The following NDUFS7 variants were observed in gnomAD, a reference collection of about 807,000 sequenced individuals.
NDUFS7 encodes NADH:ubiquinone oxidoreductase core subunit S7.
A neutral mutation model predicts 31.1 loss-of-function variants in NDUFS7; 11 were observed. That is an observed-to-expected ratio of 0.35 (90% confidence interval 0.22 to 0.59). The LOEUF (loss-of-function observed/expected upper bound fraction) is 0.59. Among genes scored for constraint, NDUFS7 ranks in the 20% least tolerant of loss-of-function variants. The pLI is 0.79. For synonymous variants in NDUFS7, 136 were observed against 127.9 expected (o/e 1.06, Z -0.43); for missense variants, 263 against 324.2 (o/e 0.81, Z 1.45).
intron 4 of NDUFS7, chr19:1,389,238 CAT>C (rs1389349957): frequency 3.0e-6 from 2 of 661,172 alleles, no homozygotes; most frequent in Admixed American, 2.1e-5. Context: ...CACTTGCACT[CAT>C]GCACACTCAT....
chr19:1,387,915 G>A (rs1189909888), intron 2 of NDUFS7, 68 bp downstream of exon 2: 11 of 405,602 alleles, frequency 2.7e-5, no homozygotes, highest in Non-Finnish European at 9.8e-6. Context: ...ACGGGGCGGG[G>A]GGGGTGGGGG....
chr19:1,394,785 T>G, intron 7 of NDUFS7: 1 of 1,182,376 alleles, frequency 8.5e-7, no homozygotes, highest in Admixed American at 3.7e-5. Context: ...GGCCCTGCAG[T>G]GGCCTTGTCC....
chr19:1,387,738 G>A (rs1167987077), intron 1 of NDUFS7, 73 bp from the exon 2 acceptor site: 2 of 1,420,196 alleles, frequency 1.4e-6, no homozygotes, highest in Non-Finnish European at 9.9e-7. Flanking sequence ...GGAGCCTGAT[G>A]GGGAAGCGCC....
chr19:1,394,811 C>T (rs2144627686), intron 7 of NDUFS7: 1 of 1,172,920 alleles, frequency 8.5e-7, no homozygotes, highest in Non-Finnish European at 1.1e-6. Context: ...CACCTGTTTC[C>T]ACTCCTGCTG....
rs987823931 is a variant in NDUFS7 at position 1,395,467 on chromosome 19, G to A, written c.621G>A (p.Leu207=). Residue 207 remains leucine (L), a synonymous_variant, in exon 8 of 8, where the codon CTG becomes CTA. Transcript: ENST00000233627. ...GGAAGATCAAGCGGGAGCGGAGGCT[G>A]CAGATCTGGTACCGCAGGTAGCGCC... ...LQRKIKRERR[L]QIWYRR is the part of the protein sequence containing the mutation. The A allele has an allele frequency of 7.5e-6, 12 of 1,594,710 alleles. No homozygotes were observed. The highest frequency in any genetic ancestry group is 3.5e-5 in the Admixed American group (2 of 56,392).
At chr19:1,387,765 G>T in intron 1 of NDUFS7, 46 bp from the exon 2 acceptor site, 2 of 1,601,450 alleles carry the variant, frequency 1.2e-6, no homozygotes. Context: ...CCGGCCCTGC[G>T]TGCTGCCCGC....
At chr19:1,388,057 A>C (rs2082521673) in intron 2 of NDUFS7, 1 of 648,280 alleles carries the variant, frequency 1.5e-6, no homozygotes. Flanking sequence ...CTGGACAGTC[A>C]GGAGGAAAAC....
chr19:1,389,661 G>A, intron 4 of NDUFS7: 1 of 372,956 alleles, frequency 2.7e-6, no homozygotes, highest in Non-Finnish European at 5.4e-6. Context: ...TCCCCTGCCT[G>A]TGGCGCCAGC....
At chr19:1,388,098 T>A in intron 2 of NDUFS7, 1 of 608,740 alleles carries the variant, frequency 1.6e-6, no homozygotes, top group Non-Finnish European at 2.9e-6. Context: ...CCGTCAGAGC[T>A]CACCGCCACC....
chr19:1,392,904 A>G, intron 6 of NDUFS7: 1 of 390,980 alleles, frequency 2.6e-6, no homozygotes, highest in Admixed American at 3.8e-5. Flanking sequence ...CGCCCCATAG[A>G]CAGGGGCTGG....
At chr19:1,384,987 G>A (rs891530339) in intron 1 of NDUFS7, among the ~76,000 whole-genome samples, 1 of 152,000 alleles carries the variant, frequency 6.6e-6, no homozygotes, top group Non-Finnish European at 1.5e-5. Context: ...GCTAGTTTTT[G>A]TATTTTTAGT....
At position 1,394,869 on chromosome 19, in the gene NDUFS7, T is replaced by C. The variant is rs1356927349; in HGVS notation, c.545-522T>C. ...GTCCTCTTGCTCAAGCCCTTTGTTCTGAACCTGCGTGGCAGCCGGGACTGG... is the reference window on the plus strand; with the variant it reads ...GTCCTCTTGCTCAAGCCCTTTGTTCCGAACCTGCGTGGCAGCCGGGACTGG... On this transcript the variant is annotated intron_variant, in intron 7 of 7. Transcript: ENST00000233627. The C allele has an allele frequency of 2.7e-6, 3 of 1,128,764 alleles. No individual in the cohort carries two copies. The East Asian group carries it at 2.3e-4, about 85-fold the overall frequency. 69.9% of individuals were successfully genotyped at this position (1,128,764 alleles called of 1,614,324 possible).
At chr19:1,385,772 T>C (rs984324334) in intron 1 of NDUFS7, among the ~76,000 whole-genome samples, 1 of 152,090 alleles carries the variant, frequency 6.6e-6, no homozygotes, top group African/African-American at 2.4e-5. Context: ...TGAGCCAAGA[T>C]TGTGCCGTTG....
chr19:1,393,393 C>G lies in NDUFS7; in HGVS notation c.544+63C>G. 1 of 1,430,846 alleles carries G rather than the reference C, an allele frequency of 7.0e-7. No individual in the cohort carries two copies. The highest frequency in any genetic ancestry group is 9.5e-7 in the Non-Finnish European group (1 of 1,047,154). 88.6% of individuals were successfully genotyped at this position (1,430,846 alleles called of 1,614,324 possible). ...GACAGGGCCAGCGCCACACGGAGCC[C>G]GGCGGCCCCTGTGAGGGAGTCCCAC... On this transcript the variant is annotated intron_variant, in intron 7 of 7. Transcript: ENST00000233627. This position sits in a 1 kb window ranked among gnomAD's most constrained non-coding sequence, Gnocchi z 7.3.
chr19:1,388,124 T>C (rs1054659330), intron 2 of NDUFS7: 2 of 594,458 alleles, frequency 3.4e-6, no homozygotes, highest in African/African-American at 3.7e-5. Flanking sequence ...TGGGAAGGCA[T>C]TCTCTGAGCC....
rs762998888 is a variant in NDUFS7, at chr19:1,391,066, G to A, written c.408+16G>A. 6 of 1,612,490 alleles carry A rather than the reference G, an allele frequency of 3.7e-6. No homozygotes were observed. In the Admixed American group the frequency reaches 1.0e-4, roughly 27 times the overall value. On this transcript the variant is annotated intron_variant, in intron 5 of 7. Transcript: ENST00000233627. ...GCTTCGCAAGGTAGGCCTCGTCCCA[G>A]CCGCCCAGCCGCCCCCAGAGTGAGC...
At chr19:1,388,081 C>G in intron 2 of NDUFS7, 1 of 628,748 alleles carries the variant, frequency 1.6e-6, no homozygotes, top group South Asian at 1.8e-5. Flanking sequence ...GTGGGCCCGG[C>G]TCAGTGCCGT....
At chr19:1,394,641 C>T in intron 7 of NDUFS7, 1 of 1,230,920 alleles carries the variant, frequency 8.1e-7, no homozygotes, top group Non-Finnish European at 1.0e-6. Context: ...GCTCCTCCCT[C>T]CCTGGGGACC....
In NDUFS7 at chr19:1,393,250, A is replaced by G. The variant is rs1175145086; in HGVS notation, c.464A>G (p.Asn155Ser). The G allele has an allele frequency of 3.2e-6, 5 of 1,569,576 alleles. No individual in the cohort carries two copies. Among genetic ancestry groups the G allele is most frequent in the South Asian group, 2.3e-5 (2 of 85,308 alleles). The change falls in exon 7 of 8, where the codon AAC becomes AGC. Residue 155 changes from asparagine (N) to serine (S), a missense_variant. Asn to Ser is a conservative substitution (Grantham distance 46, BLOSUM62 1). Transcript: ENST00000233627. This position sits in a 1 kb window ranked among gnomAD's most constrained non-coding sequence, Gnocchi z 7.3. ...CGGTGCCTCCCCAACAGCTGCGCCA[A>G]CGGAGGAGGCTACTACCACTATTCC... ...RYVVSMGSCANGGGYYHYSYS... is the reference protein window; with the variant it reads ...RYVVSMGSCASGGGYYHYSYS...
Sources: gnomAD v4.1 joint callset for allele counts (sites outside exome capture counted in the v4.1 genomes callset) on GRCh38, gnomAD v4.1.1 for gene constraint, Gnocchi (gnomAD v3.1) non-coding constraint, MANE v1.5 for transcripts, NCBI Gene and HGNC (gene_info 2026-07-23, HGNC 2026-07-21) for gene names.